The following SLC43A2 variants were observed in gnomAD, a reference collection of about 807,000 sequenced individuals.
SLC43A2 encodes large neutral amino acids transporter small subunit 4.
Under a neutral mutation model 63.2 loss-of-function variants are expected in SLC43A2, and 38 were observed. That is an observed-to-expected ratio of 0.60 (90% confidence interval 0.46 to 0.79). SLC43A2 has a LOEUF of 0.79. Ranked by LOEUF, SLC43A2 falls within the 30% of genes least tolerant of loss-of-function variation. The pLI, the probability that SLC43A2 is intolerant of heterozygous loss-of-function variation, is 0.00. For missense variants in SLC43A2, 644 were observed against 756.2 expected, an observed-to-expected ratio of 0.85 and a Z score of 1.74; for synonymous variants, 322 against 331.0, an observed-to-expected ratio of 0.97 and a Z score of 0.30.
intron 6 of SLC43A2, 35 bp from the exon 7 acceptor site, chr17:1,591,734 A>AGGGGGTGGGTTGGGGT: frequency 3.4e-6 from 1 of 293,094 alleles, no homozygotes; most frequent in Admixed American, 3.9e-5. Flanking sequence ...TGGGGGGGGG[A>AGGGGGTGGGTTGGGGT]GGGGGCAGAG....
At chr17:1,587,050 G>T in intron 9 of SLC43A2, 1 of 1,349,932 alleles carries the variant, frequency 7.4e-7, no homozygotes. Flanking sequence ...AGAGGAGGCA[G>T]GCTCACTCCA....
At chr17:1,590,134 C>T (rs1038278857) in intron 9 of SLC43A2, among the ~76,000 whole-genome samples, 10 of 152,172 alleles carry the variant, frequency 6.6e-5, no homozygotes, top group Non-Finnish European at 1.5e-4. Context: ...GTTTGTCCCG[C>T]CTGGGGATGA....
At chr17:1,613,304 C>A in intron 4 of SLC43A2, 33 bp from the exon 5 acceptor site, 7 of 1,606,706 alleles carry the variant, frequency 4.4e-6, no homozygotes, top group South Asian at 1.1e-5. Flanking sequence ...TGAGTGGAGA[C>A]CCCAGCTGAG....
chr17:1,622,432 G>A (rs1291570880), intron 2 of SLC43A2, among the ~76,000 whole-genome samples: 6 of 152,220 alleles, frequency 3.9e-5, no homozygotes, highest in South Asian at 2.1e-4. Flanking sequence ...AGGCGTGGTG[G>A]CGGGCGCCTG....
intron 2 of SLC43A2, among the ~76,000 whole-genome samples, chr17:1,626,533 T>G (rs1185968252): frequency 6.6e-6 from 1 of 152,124 alleles, no homozygotes; most frequent in East Asian, 1.9e-4. Context: ...TCTCCTGCTT[T>G]CTCCTGCCCT....
intron 5 of SLC43A2, among the ~76,000 whole-genome samples, chr17:1,599,481 C>G (rs1905685662): frequency 6.6e-6 from 1 of 151,810 alleles, no homozygotes; most frequent in Non-Finnish European, 1.5e-5. Flanking sequence ...AGGTGGATCA[C>G]TTGAGGCCAG....
chr17:1,593,211 C>A lies in SLC43A2; in HGVS notation c.570G>T (p.Ser190=), dbSNP rs773552846. Residue 190 remains serine, a synonymous_variant, in exon 6 of 14, where the codon TCG becomes TCT. Coordinates refer to ENST00000301335, the MANE Select transcript of SLC43A2 (RefSeq NM_152346.3). The surrounding 1 kb of genome is among the most constrained non-coding windows in gnomAD (Gnocchi z 5.3). ...CCTTGATTCCTGGAAAGGTGACTGCCGAGGAGGCGTAGGACCCAATCATCA... is the reference window on the plus strand; with the variant it reads ...CCTTGATTCCTGGAAAGGTGACTGCAGAGGAGGCGTAGGACCCAATCATCA... ...IALMIGSYAS[S]AVTFPGIKLI... 1 of 1,613,878 alleles carries A rather than the reference C, an allele frequency of 6.2e-7. No homozygotes were observed. Among genetic ancestry groups the A allele is most frequent in the African/African-American group, 1.3e-5 (1 of 74,932 alleles).
At position 1,604,630 on chromosome 17, in the gene SLC43A2, T is replaced by A; in HGVS notation, c.501+8565A>T. ...CTCAACTCATCTGCCCACCTCAGCC[T>A]CCTGAGCAGCTGAGACTACAGGGGG... On this transcript the variant is annotated intron_variant, in intron 5 of 13. Transcript: ENST00000301335. 3 of 1,189,806 alleles carry A rather than the reference T, an allele frequency of 2.5e-6. No homozygotes were observed. The South Asian group carries it at 4.2e-5, about 17-fold the overall frequency. 73.7% of individuals were successfully genotyped at this position (1,189,806 alleles called of 1,614,324 possible).
Position 1,606,690 on chromosome 17 carries a change from C to A in SLC43A2, c.501+6505G>T, listed in dbSNP as rs1470875314. Among the ~76,000 whole-genome samples the A allele has an allele frequency of 1.3e-5, 2 of 152,238 alleles. No homozygotes were observed. Among genetic ancestry groups the A allele is most frequent in the African/African-American group, 2.4e-5 (1 of 41,466 alleles). The stretch of plus-strand genomic sequence containing the variant: ...CAAAGGGCTGTACAAACGCGAGGCA[C>A]TGAACAAACACTGAGCGTGCCGTCC... On this transcript the variant is annotated intron_variant, in intron 5 of 13. Coordinates refer to ENST00000301335, the MANE Select transcript of SLC43A2 (RefSeq NM_152346.3). This position sits in a 1 kb window ranked among gnomAD's most constrained non-coding sequence, Gnocchi z 4.7.
At chr17:1,597,181 C>T (rs553530666) in intron 5 of SLC43A2, among the ~76,000 whole-genome samples, 21 of 148,540 alleles carry the variant, frequency 1.4e-4, no homozygotes, top group Non-Finnish European at 2.4e-4. Context: ...CCACTGCACT[C>T]CAGCCTGCGC....
At chr17:1,581,562 C>T (rs1047918021) in intron 11 of SLC43A2, among the ~76,000 whole-genome samples, 1 of 152,206 alleles carries the variant, frequency 6.6e-6, no homozygotes, top group African/African-American at 2.4e-5. Context: ...AAGGGAGGGA[C>T]TCTTACTTCC....
In SLC43A2 at chr17:1,616,568, A is replaced by G; in HGVS notation, c.362T>C (p.Leu121Pro). The change falls in exon 3 of 14, where the codon CTG (leucine) becomes CCG (proline). Residue 121 changes from leucine to proline, a missense_variant. This residue lies in a region of SLC43A2 where 528 missense variants were observed against 623.6 expected (regional missense o/e 0.85). Transcript: ENST00000301335. ...CTAAGGGACCCACACTGACCTGCCCAGCAGCCTGAGCTTCCTCGGGCCATA... is the reference window on the plus strand; with the variant it reads ...CTAAGGGACCCACACTGACCTGCCCGGCAGCCTGAGCTTCCTCGGGCCATA... ...DKYGPRKLRL[L>P]GSACFAVSCL... The G allele has an allele frequency of 6.2e-7, 1 of 1,610,850 alleles. No individual in the cohort carries two copies. Among genetic ancestry groups the G allele is most frequent in the Non-Finnish European group, 8.5e-7 (1 of 1,178,590 alleles).
intron 5 of SLC43A2, among the ~76,000 whole-genome samples, chr17:1,610,517 C>A (rs894474873): frequency 2.2e-4 from 32 of 142,446 alleles, no homozygotes; most frequent in Admixed American, 6.3e-4. Context: ...GATCCTCCCA[C>A]CTTAGCCTCC....
intron 2 of SLC43A2, among the ~76,000 whole-genome samples, chr17:1,620,611 G>A (rs1018848694): frequency 2.0e-5 from 3 of 152,034 alleles, no homozygotes; most frequent in African/African-American, 4.8e-5. Context: ...CCTCCAGGCC[G>A]TCCCGTCCAG....
chr17:1,628,098 C>T, intron 1 of SLC43A2, 178 bp from the exon 2 acceptor site: 2 of 533,524 alleles, frequency 3.7e-6, no homozygotes, highest in Non-Finnish European at 5.5e-6. Context: ...ACCCCGAGCC[C>T]GCGGCCGGCT....
chr17:1,587,085 A>ACACTGCTTTTCCCG, intron 9 of SLC43A2: 1 of 696,980 alleles, frequency 1.4e-6, no homozygotes, highest in Non-Finnish European at 2.3e-6. Flanking sequence ...TGCATTTCCC[A>ACACTGCTTTTCCCG]CACTGCGTTT....
chr17:1,625,254 G>C (rs1908565020), intron 2 of SLC43A2, among the ~76,000 whole-genome samples: 1 of 152,194 alleles, frequency 6.6e-6, no homozygotes, highest in African/African-American at 2.4e-5. Context: ...GAAATGAGCT[G>C]TTTCCTTCCT....
rs931887612 is a variant in SLC43A2, at chr17:1,618,337, C to T, written c.161-1568G>A. Among the ~76,000 whole-genome samples, 5 of 152,348 alleles carry T rather than the reference C, an allele frequency of 3.3e-5. 1 individual carries two copies. In the East Asian group the frequency reaches 5.8e-4, roughly 18 times the overall value. On this transcript the variant is annotated intron_variant, in intron 2 of 13. Coordinates refer to ENST00000301335, the MANE Select transcript of SLC43A2 (RefSeq NM_152346.3). Reference sequence around the variant, plus strand: ...CATCATATAATGATAAGATCCACCTCCTAGAGTGTGGGGGAAGATCAATGA... The same window carrying T: ...CATCATATAATGATAAGATCCACCTTCTAGAGTGTGGGGGAAGATCAATGA...
chr17:1,583,498 G>A lies in SLC43A2; in HGVS notation c.1218-162C>T, dbSNP rs758737188. On this transcript the variant is annotated intron_variant, in intron 10 of 13. Coordinates refer to ENST00000301335, the MANE Select transcript of SLC43A2 (RefSeq NM_152346.3). This position sits in a 1 kb window ranked among gnomAD's most constrained non-coding sequence, Gnocchi z 5.5. The stretch of plus-strand genomic sequence containing the variant: ...TGTGTCGGGGCTGGACCAGCACTAC[G>A]GACACTCCCCGGCCCTTCTCAGTGG... The A allele has an allele frequency of 1.7e-5, 22 of 1,266,750 alleles. No individual in the cohort carries two copies. In the South Asian group the frequency reaches 2.1e-4, roughly 12 times the overall value. The allele number at this position is 1,266,750 out of a possible 1,614,324, so 78.5% of individuals were successfully genotyped here.
Sources: gnomAD v4.1 joint callset for allele counts (sites outside exome capture counted in the v4.1 genomes callset) on GRCh38, gnomAD v4.1.1 for gene constraint, gnomAD v4.1.1 regional missense constraint, Gnocchi (gnomAD v3.1) non-coding constraint, MANE v1.5 for transcripts, NCBI Gene and HGNC (gene_info 2026-07-23, HGNC 2026-07-21) for gene names.